Variants in ANKRD6 observed in about 807,000 individuals in gnomAD.
ANKRD6 encodes the protein ankyrin repeat domain 6, also known as ankyrin repeat domain-containing protein 6.
A neutral mutation model predicts 82.3 loss-of-function variants in ANKRD6; 56 were observed. The ratio of observed to expected loss-of-function variants is 0.68; its 90% CI spans 0.55 to 0.85. ANKRD6 has a LOEUF of 0.85. ANKRD6 is among the 40% of genes least tolerant of loss of function. The pLI is 0.00. For missense variants in ANKRD6, 852 were observed against 907.6 expected (o/e 0.94, Z 0.79); for synonymous variants, 347 against 352.1 (o/e 0.99, Z 0.16).
At chr6:89,489,447 TC>T (rs889780698) in intron 1 of ANKRD6, among the ~76,000 whole-genome samples, 1 of 152,160 alleles carries the variant, frequency 6.6e-6, no homozygotes, top group Non-Finnish European at 1.5e-5. Flanking sequence ...CAGATCTGGC[TC>T]CCCAGTTGGT....
intron 1 of ANKRD6, among the ~76,000 whole-genome samples, chr6:89,443,470 A>ATTATTTTATTTTATT (rs781149814): frequency 1.2e-4 from 19 of 152,092 alleles, no homozygotes; most frequent in African/African-American, 4.6e-4. Flanking sequence ...TGGTCCACAA[A>ATTATTTTATTTTATT]TTATTTTATT....
intron 3 of ANKRD6, chr6:89,601,891 C>G (rs1407345476): frequency 2.0e-5 from 3 of 152,202 alleles, no homozygotes; most frequent in Admixed American, 1.3e-4. Context: ...ATGATGGCCT[C>G]TGTCCTCTTT....
At chr6:89,591,626 A>G (rs1046404200) in intron 2 of ANKRD6, among the ~76,000 whole-genome samples, 1 of 152,188 alleles carries the variant, frequency 6.6e-6, no homozygotes, top group Non-Finnish European at 1.5e-5. Flanking sequence ...TGTGCTGGAT[A>G]GGGGCAGCCT....
intron 1 of ANKRD6, among the ~76,000 whole-genome samples, chr6:89,535,562 C>G (rs1783721792): frequency 6.6e-6 from 1 of 152,216 alleles, no homozygotes; most frequent in Admixed American, 6.5e-5. Flanking sequence ...TGGCCATACA[C>G]AAGACAACTT....
intron 1 of ANKRD6, among the ~76,000 whole-genome samples, chr6:89,542,864 A>G (rs961579460): frequency 1.3e-5 from 2 of 152,264 alleles, no homozygotes; most frequent in African/African-American, 4.8e-5. Flanking sequence ...TCTTAATTAC[A>G]GCCTTCTAAT....
At chr6:89,519,884 G>A (rs1334798168) in intron 1 of ANKRD6, among the ~76,000 whole-genome samples, 2 of 152,230 alleles carry the variant, frequency 1.3e-5, no homozygotes, top group African/African-American at 4.8e-5. Flanking sequence ...ATTATTCTTC[G>A]GATCATAGCA....
At chr6:89,562,329 ACT>A (rs1406020291) in intron 1 of ANKRD6, 5 of 151,612 alleles carry the variant, frequency 3.3e-5, no homozygotes, top group Non-Finnish European at 7.4e-5. Flanking sequence ...CTGTGCTGGA[ACT>A]CTCTGCCGAG....
At position 89,632,728 on chromosome 6, in the gene ANKRD6, AAT is replaced by A. The variant is rs1261349829; in HGVS notation, c.*1728_*1729del. The A allele has an allele frequency of 6.6e-6, 1 of 152,192 alleles. No homozygotes were observed. The highest frequency in any genetic ancestry group is 1.5e-5 in the Non-Finnish European group (1 of 68,040). 9.4% of individuals were successfully genotyped at this position (152,192 alleles called of 1,614,324 possible). Reference sequence around the variant, plus strand: ...TTCCCCCAGAGACTCATTAGATTGCAATATAGAGGCACTTTCTCATTTCCCTA... The same window carrying A: ...TTCCCCCAGAGACTCATTAGATTGCAATAGAGGCACTTTCTCATTTCCCTA... On this transcript the variant is annotated 3_prime_UTR_variant, in exon 16 of 16. Transcript: ENST00000339746.
intron 2 of ANKRD6, among the ~76,000 whole-genome samples, chr6:89,574,557 C>T (rs570569501): frequency 1.3e-5 from 2 of 152,242 alleles, no homozygotes; most frequent in South Asian, 2.1e-4. Flanking sequence ...CCATCTGTGC[C>T]GAATGAGGGG....
chr6:89,610,904 A>G (rs1800084083), intron 5 of ANKRD6, among the ~76,000 whole-genome samples: 1 of 152,150 alleles, frequency 6.6e-6, no homozygotes. Context: ...CAGTACTAAA[A>G]TAGGGATGCT....
chr6:89,473,593 T>C (rs950690582), intron 1 of ANKRD6, among the ~76,000 whole-genome samples: 1 of 152,186 alleles, frequency 6.6e-6, no homozygotes, highest in African/African-American at 2.4e-5. Context: ...TTTTGTAAAG[T>C]AATGTCTTAT....
At chr6:89,619,693 A>G (rs911346711) in intron 9 of ANKRD6, 1 of 152,244 alleles carries the variant, frequency 6.6e-6, no homozygotes, top group African/African-American at 2.4e-5. Context: ...AACACAAACA[A>G]GGAACTTTAG....
chr6:89,462,006 C>T (rs567856885), intron 1 of ANKRD6, among the ~76,000 whole-genome samples: 13 of 152,070 alleles, frequency 8.5e-5, no homozygotes, highest in South Asian at 6.2e-4. Flanking sequence ...CCAAGGTGGG[C>T]GGATCACCTG....
At chr6:89,479,744 G>T (rs1339314343) in intron 1 of ANKRD6, among the ~76,000 whole-genome samples, 1 of 151,414 alleles carries the variant, frequency 6.6e-6, no homozygotes, top group East Asian at 1.9e-4. Context: ...TTAACATTAG[G>T]TATATCTCCT....
At chr6:89,600,970 G>A (rs1797009602) in intron 3 of ANKRD6, among the ~76,000 whole-genome samples, 1 of 152,198 alleles carries the variant, frequency 6.6e-6, no homozygotes, top group Admixed American at 6.5e-5. Flanking sequence ...CTGGGAGGCA[G>A]AGGTTGCAGT....
intron 1 of ANKRD6, among the ~76,000 whole-genome samples, chr6:89,556,707 C>CAGAT (rs1390206395): frequency 6.6e-6 from 1 of 152,222 alleles, no homozygotes; most frequent in Non-Finnish European, 1.5e-5. Context: ...GATCAAGGAA[C>CAGAT]ATCTAAACAG....
At chr6:89,441,027 A>T (rs955317496) in intron 1 of ANKRD6, among the ~76,000 whole-genome samples, 3 of 152,188 alleles carry the variant, frequency 2.0e-5, no homozygotes, top group Non-Finnish European at 4.4e-5. Context: ...TGCCTTCACT[A>T]GATACAAAAT....
In ANKRD6 at chr6:89,630,519, A is replaced by C. The variant is rs1807158705; in HGVS notation, c.1699A>C (p.Asn567His). ...GGTTAGGCCCAAAGAGAAGGCCCTC[A>C]ACTCCACTGCTACCCAGAGACTCCA... Reference protein sequence around the residue: ...PVVRPKEKALNSTATQRLQQE... With the variant: ...PVVRPKEKALHSTATQRLQQE... The change falls in exon 16 of 16, where the codon AAC becomes CAC. Residue 567 changes from asparagine to histidine, a missense_variant. Asn to His is a moderately conservative substitution (Grantham distance 68). Transcript: ENST00000339746. 6.2e-7 allele frequency: 1 copy of C among 1,613,934 alleles called. No individual in the cohort carries two copies. The highest frequency in any genetic ancestry group is 1.7e-5 in the Admixed American group (1 of 60,012).
At chr6:89,606,385 T>G (rs1798629411) in intron 5 of ANKRD6, among the ~76,000 whole-genome samples, 1 of 152,204 alleles carries the variant, frequency 6.6e-6, no homozygotes, top group Admixed American at 6.5e-5. Flanking sequence ...TCCCATAGTT[T>G]TTTTGTATTC....
Sources: gnomAD v4.1 joint callset for allele counts (sites outside exome capture counted in the v4.1 genomes callset) on GRCh38, gnomAD v4.1.1 for gene constraint, MANE v1.5 for transcripts, NCBI Gene and HGNC (gene_info 2026-07-23, HGNC 2026-07-21) for gene names.